The following ATP6V0D1 variants were observed in gnomAD, a reference collection of about 807,000 sequenced individuals.
ATP6V0D1 encodes V-type proton ATPase subunit d 1.
ATP6V0D1 carries 13 observed loss-of-function variants against 39.0 expected under a neutral mutation model. The observed-to-expected ratio is 0.33, with a 90% CI of 0.22 to 0.53. ATP6V0D1 has a LOEUF of 0.53. Among genes scored for constraint, ATP6V0D1 ranks in the 20% least tolerant of loss-of-function variants. The pLI, the probability that ATP6V0D1 is intolerant of heterozygous loss-of-function variation, is 0.94. For synonymous variants in ATP6V0D1, 191 were observed against 191.2 expected, an observed-to-expected ratio of 1.00 and a Z score of 0.01; for missense variants, 272 against 470.9, an observed-to-expected ratio of 0.58 and a Z score of 3.91.
chr16:67,450,463 G>A (rs1456264335), intron 2 of ATP6V0D1, among the ~76,000 whole-genome samples: 1 of 152,212 alleles, frequency 6.6e-6, no homozygotes, highest in African/African-American at 2.4e-5. Context: ...TGCTGGGGCA[G>A]AGCGGAGAAG....
rs2041126159 is a variant in ATP6V0D1 at position 67,447,125 on chromosome 16, T to C, written c.303-2419A>G. Among the ~76,000 whole-genome samples the C allele has an allele frequency of 6.6e-6, 1 of 152,174 alleles. No homozygotes were observed. Among genetic ancestry groups the C allele is most frequent in the Non-Finnish European group, 1.5e-5 (1 of 68,038 alleles). On this transcript the variant is annotated intron_variant, in intron 2 of 7. Coordinates refer to ENST00000290949, the MANE Select transcript of ATP6V0D1 (RefSeq NM_004691.5). The surrounding 1 kb of genome is among the most constrained non-coding windows in gnomAD (Gnocchi z 4.1). ...GCCCCCCACTCAGGGCATCTGTTTA[T>C]GTGGGGGAAATGCTGAGCCTAGTAA... is the stretch of plus-strand genomic sequence containing the variant.
intron 2 of ATP6V0D1, among the ~76,000 whole-genome samples, chr16:67,446,449 C>T (rs553977452): frequency 2.1e-4 from 32 of 152,336 alleles, no homozygotes; most frequent in Middle Eastern, 3.4e-3. Context: ...AACTCCCAAC[C>T]ATAACTGAGA....
In ATP6V0D1 at chr16:67,438,320, G is replaced by A; in HGVS notation, c.*208C>T. On this transcript the variant is annotated 3_prime_UTR_variant, in exon 8 of 8. Coordinates refer to ENST00000290949, the MANE Select transcript of ATP6V0D1 (RefSeq NM_004691.5). ...AGGGGGTCTTCGTCCATCCTTGGTGGGGGGGGGTGCCCAGCCCCTTTTCAG... is the reference window on the plus strand; with the variant it reads ...AGGGGGTCTTCGTCCATCCTTGGTGAGGGGGGGTGCCCAGCCCCTTTTCAG... The A allele has an allele frequency of 1.6e-6, 1 of 621,048 alleles. No individual in the cohort carries two copies. Among genetic ancestry groups the A allele is most frequent in the Non-Finnish European group, 2.8e-6 (1 of 362,926 alleles). The allele number at this position is 621,048 out of a possible 1,614,324, so 38.5% of individuals were successfully genotyped here. A position where few individuals can be genotyped will look rare whatever the true frequency, so the allele number is the denominator to read the frequency against.
At chr16:67,439,425 GCTCC>G in intron 4 of ATP6V0D1, 74 bp from the exon 5 acceptor site, 1 of 1,400,840 alleles carries the variant, frequency 7.1e-7, no homozygotes, top group Non-Finnish European at 1.0e-6. Context: ...AGCCCTCACA[GCTCC>G]CTCCTCCCCT....
At chr16:67,472,114 A>G (rs1418310325) in intron 1 of ATP6V0D1, among the ~76,000 whole-genome samples, 2 of 152,064 alleles carry the variant, frequency 1.3e-5, no homozygotes, top group Non-Finnish European at 2.9e-5. Context: ...TCTCGCAGGC[A>G]GCAGCAGCAG....
At chr16:67,463,578 A>T (rs2041306116) in intron 1 of ATP6V0D1, among the ~76,000 whole-genome samples, 1 of 152,048 alleles carries the variant, frequency 6.6e-6, no homozygotes, top group Non-Finnish European at 1.5e-5. Context: ...AGAAGGGGAA[A>T]AAAAAAAAGA....
chr16:67,451,029 G>A (rs1212210445), intron 2 of ATP6V0D1, among the ~76,000 whole-genome samples: 1 of 152,222 alleles, frequency 6.6e-6, no homozygotes, highest in African/African-American at 2.4e-5. Context: ...CGGGAAGGTG[G>A]TCTTTGCAGT....
At chr16:67,476,128 A>C (rs898862253) in intron 1 of ATP6V0D1, among the ~76,000 whole-genome samples, 1 of 152,096 alleles carries the variant, frequency 6.6e-6, no homozygotes, top group Non-Finnish European at 1.5e-5. Context: ...AGGCTGAGGC[A>C]GGAAAATCAC....
chr16:67,459,788 G>T (rs1036436255), intron 1 of ATP6V0D1, among the ~76,000 whole-genome samples: 2 of 152,212 alleles, frequency 1.3e-5, no homozygotes, highest in African/African-American at 4.8e-5. Context: ...GGGCCATAGG[G>T]AGGCAGAAAG....
intron 4 of ATP6V0D1, chr16:67,441,763 T>C (rs929241122): frequency 6.6e-6 from 1 of 152,202 alleles, no homozygotes; most frequent in Non-Finnish European, 1.5e-5. Context: ...CATTTTCACA[T>C]GGGGATAATG....
At chr16:67,459,457 G>A (rs978247675) in intron 1 of ATP6V0D1, among the ~76,000 whole-genome samples, 8 of 152,308 alleles carry the variant, frequency 5.3e-5, no homozygotes, top group South Asian at 2.1e-4. Context: ...CTCAGGGGTC[G>A]CCAGGCTGCA....
chr16:67,477,143 TG>T (rs1184670309), intron 1 of ATP6V0D1, among the ~76,000 whole-genome samples: 13 of 145,666 alleles, frequency 8.9e-5, no homozygotes, highest in African/African-American at 3.1e-4. Context: ...TAATTTAAAG[TG>T]GGAACAAGGG....
At chr16:67,457,746 G>T in intron 1 of ATP6V0D1, 1 of 840,494 alleles carries the variant, frequency 1.2e-6, no homozygotes, top group Non-Finnish European at 1.7e-6. Context: ...CTCAGCAAGG[G>T]CCTCCAAGCA....
At position 67,467,362 on chromosome 16, in the gene ATP6V0D1, G is replaced by A. The variant is rs953329141; in HGVS notation, c.130+13595C>T. On this transcript the variant is annotated intron_variant, in intron 1 of 7. Transcript: ENST00000290949. ...TCTACTAAAAAGACAAAAATTAGGC[G>A]GGCGTGGTGGCGGGTGCCTGTAATC... Among the ~76,000 whole-genome samples the A allele has an allele frequency of 2.6e-5, 4 of 152,090 alleles. 1 individual carries two copies. The highest frequency in any genetic ancestry group is 2.1e-4 in the South Asian group (1 of 4,832).
intron 1 of ATP6V0D1, among the ~76,000 whole-genome samples, chr16:67,458,279 G>A (rs2041258610): frequency 6.6e-6 from 1 of 152,224 alleles, no homozygotes; most frequent in South Asian, 2.1e-4. Flanking sequence ...CGGAGGAGGG[G>A]ATGTGACTGG....
intron 2 of ATP6V0D1, among the ~76,000 whole-genome samples, chr16:67,445,511 C>A (rs1281806881): frequency 6.6e-6 from 1 of 152,214 alleles, no homozygotes; most frequent in African/African-American, 2.4e-5. Context: ...ACCTGCACAG[C>A]CTATGCCAGA....
At chr16:67,465,251 C>T (rs534441008) in intron 1 of ATP6V0D1, among the ~76,000 whole-genome samples, 146 of 152,330 alleles carry the variant, frequency 9.6e-4, no homozygotes, top group African/African-American at 3.4e-3. Context: ...GCCAGCCTGA[C>T]CGTGTGGACC....
intron 1 of ATP6V0D1, among the ~76,000 whole-genome samples, chr16:67,467,781 C>T (rs1026361642): frequency 2.0e-5 from 3 of 152,204 alleles, no homozygotes; most frequent in South Asian, 4.1e-4. Context: ...GACTTAGAGA[C>T]AGTCATATCA....
intron 1 of ATP6V0D1, among the ~76,000 whole-genome samples, chr16:67,464,585 C>T (rs948719779): frequency 6.6e-6 from 1 of 152,224 alleles, no homozygotes; most frequent in Non-Finnish European, 1.5e-5. Flanking sequence ...ACCCATGGAA[C>T]AGCCTCAGAA....
Sources: gnomAD v4.1 joint callset for allele counts (sites outside exome capture counted in the v4.1 genomes callset) on GRCh38, gnomAD v4.1.1 for gene constraint, Gnocchi (gnomAD v3.1) non-coding constraint, MANE v1.5 for transcripts, NCBI Gene and HGNC (gene_info 2026-07-23, HGNC 2026-07-21) for gene names.